KIT: variants seen among roughly 807,000 people sequenced by gnomAD.
The protein encoded by KIT is mast/stem cell growth factor receptor Kit.
A neutral mutation model predicts 105.7 loss-of-function variants in KIT; 16 were observed. The ratio of observed to expected loss-of-function variants is 0.15; its 90% CI spans 0.10 to 0.23. The LOEUF (loss-of-function observed/expected upper bound fraction) is 0.23. Ranked by LOEUF, KIT falls within the 10% of genes least tolerant of loss-of-function variation. KIT has a pLI of 1.00. For synonymous variants in KIT, 438 were observed against 441.1 expected, an observed-to-expected ratio of 0.99 and a Z score of 0.09; for missense variants, 858 against 1,213.8, an observed-to-expected ratio of 0.71 and a Z score of 4.36.
At chr4:54,718,026 G>T (rs1418427049) in intron 7 of KIT, among the ~76,000 whole-genome samples, 1 of 152,172 alleles carries the variant, frequency 6.6e-6, no homozygotes, top group Non-Finnish European at 1.5e-5. Context: ...ATATCTTTTT[G>T]ATTGCTGTTT....
At chr4:54,693,709 A>G (rs1419971800) in intron 1 of KIT, among the ~76,000 whole-genome samples, 1 of 152,092 alleles carries the variant, frequency 6.6e-6, no homozygotes, top group Non-Finnish European at 1.5e-5. Flanking sequence ...GGGGACATAA[A>G]TCTGATGTGC....
At chr4:54,737,415 G>A in intron 20 of KIT, 135 bp downstream of exon 20, 1 of 717,696 alleles carries the variant, frequency 1.4e-6, no homozygotes, top group Non-Finnish European at 2.5e-6. Context: ...TGGGCTTCAG[G>A]TAGGGGAAGT....
chr4:54,684,872 A>G (rs148372035), intron 1 of KIT, among the ~76,000 whole-genome samples: 79 of 152,228 alleles, frequency 5.2e-4, no homozygotes, highest in Non-Finnish European at 9.7e-4. Flanking sequence ...TATGAGTTCT[A>G]TGATTGTTTC....
At chr4:54,695,920 C>A (rs1453729202) in intron 2 of KIT, 139 bp downstream of exon 2, 1 of 939,364 alleles carries the variant, frequency 1.1e-6, no homozygotes, top group Non-Finnish European at 1.6e-6. Flanking sequence ...CATGTTTCTT[C>A]ACTGTTCTCT....
intron 1 of KIT, among the ~76,000 whole-genome samples, chr4:54,674,042 A>G (rs181369487): frequency 1.3e-5 from 2 of 152,318 alleles, no homozygotes; most frequent in Admixed American, 1.3e-4. Context: ...AAGTGCCAGG[A>G]TTACAGGCAT....
intron 1 of KIT, among the ~76,000 whole-genome samples, chr4:54,676,399 TAA>T (rs34029024): frequency 6.6e-6 from 1 of 152,202 alleles, no homozygotes; most frequent in Non-Finnish European, 1.5e-5. Context: ...CTGTGCTAGT[TAA>T]AAAGTTAAAG....
intron 1 of KIT, among the ~76,000 whole-genome samples, chr4:54,682,647 C>G (rs1204684354): frequency 6.6e-6 from 1 of 151,670 alleles, no homozygotes; most frequent in Non-Finnish European, 1.5e-5. Context: ...CAAGACTGGT[C>G]TTGAACTCCT....
rs2109786593 is a variant in KIT, at chr4:54,729,425, A to T, written c.2081A>T (p.Gln694Leu). 2 of 1,613,798 alleles carry T rather than the reference A, an allele frequency of 1.2e-6. No individual in the cohort carries two copies. The highest frequency in any genetic ancestry group is 1.7e-6 in the Non-Finnish European group (2 of 1,179,812). Residue 694 changes from glutamine to leucine, a missense_variant, in exon 14 of 21, where the codon CAG (glutamine) becomes CTG (leucine). Around this residue, in one of 7 missense-constraint regions of KIT, gnomAD observed 158 missense variants for 218.7 expected, o/e 0.72. Transcript: ENST00000288135. ...CGTGATTCATTTATTTGTTCAAAGC[A>T]GGAAGATCATGCAGAAGCTGCACTT... Reference protein sequence around the residue: ...RKRDSFICSKQEDHAEAALYK... With the variant: ...RKRDSFICSKLEDHAEAALYK...
At chr4:54,698,692 C>T in intron 3 of KIT, 127 bp downstream of exon 3, 1 of 1,026,070 alleles carries the variant, frequency 9.7e-7, no homozygotes, top group South Asian at 1.4e-5. Context: ...CCCCCAGCTT[C>T]AAAAAATGTC....
rs557317141 is a variant in KIT, at chr4:54,695,626, C to T, written c.182C>T (p.Pro61Leu). Residue 61 changes from proline (P) to leucine (L), a missense_variant, in exon 2 of 21, where the codon CCG (proline) becomes CTG (leucine). Coordinates refer to ENST00000288135, the MANE Select transcript of KIT (RefSeq NM_000222.3). ...GDEIRLLCTD[P>L]GFVKWTFEIL... Reference sequence around the variant, plus strand: ...GAGATTAGGCTGTTATGCACTGATCCGGGCTTTGTCAAATGGACTTTTGAG... The same window carrying T: ...GAGATTAGGCTGTTATGCACTGATCTGGGCTTTGTCAAATGGACTTTTGAG... 2.0e-5 allele frequency: 33 copies of T among 1,614,044 alleles called. No individual in the cohort carries two copies. Among genetic ancestry groups the T allele is most frequent in the East Asian group, 4.5e-5 (2 of 44,896 alleles).
chr4:54,711,924 G>C (rs200178522), intron 7 of KIT, among the ~76,000 whole-genome samples: 1 of 137,576 alleles, frequency 7.3e-6, no homozygotes, highest in East Asian at 2.1e-4. Flanking sequence ...ACGAGAGTCC[G>C]TCTCAAAAAA....
At chr4:54,661,620 A>G (rs1170999612) in intron 1 of KIT, among the ~76,000 whole-genome samples, 1 of 152,240 alleles carries the variant, frequency 6.6e-6, no homozygotes, top group African/African-American at 2.4e-5. Flanking sequence ...CTTTTGCTGC[A>G]TTAATGTGCG....
chr4:54,725,255 C>T (rs1484768260), intron 8 of KIT, among the ~76,000 whole-genome samples: 1 of 152,106 alleles, frequency 6.6e-6, no homozygotes, highest in Non-Finnish European at 1.5e-5. Flanking sequence ...CAGGCGCCTG[C>T]CACCACGCCC....
intron 13 of KIT, 118 bp from the exon 14 acceptor site, chr4:54,729,217 A>G (rs1399726586): frequency 2.0e-6 from 2 of 1,010,300 alleles, no homozygotes; most frequent in Non-Finnish European, 1.6e-6. Context: ...GGGACTAAGT[A>G]GTCTGATCCA....
At chr4:54,671,913 A>G (rs1410422269) in intron 1 of KIT, among the ~76,000 whole-genome samples, 1 of 152,184 alleles carries the variant, frequency 6.6e-6, no homozygotes, top group Non-Finnish European at 1.5e-5. Context: ...AGCATCATAG[A>G]ATTTCATCTA....
intron 2 of KIT, 35 bp downstream of exon 2, chr4:54,695,816 A>G: frequency 6.2e-7 from 1 of 1,613,350 alleles, no homozygotes; most frequent in Non-Finnish European, 8.5e-7. Context: ...CTGTGCTTTC[A>G]AGAATTTAAT....
chr4:54,660,536 A>G (rs3819391), intron 1 of KIT, among the ~76,000 whole-genome samples: 87,499 of 151,906 alleles, frequency 0.58, 25,528 homozygotes, highest in African/African-American at 0.66. Flanking sequence ...ATGTAATGCT[A>G]TGCATTTATA....
At chr4:54,694,154 G>A (rs148046037) in intron 1 of KIT, among the ~76,000 whole-genome samples, 73 of 152,178 alleles carry the variant, frequency 4.8e-4, no homozygotes, top group African/African-American at 1.7e-3. Context: ...CATGTGCTCC[G>A]CAAGGTACCC....
chr4:54,727,895 C>G lies in KIT; in HGVS notation c.1847C>G (p.Ala616Gly), dbSNP rs891140054. 6.2e-7 allele frequency: 1 copy of G among 1,613,974 alleles called. No homozygotes were observed. Among genetic ancestry groups the G allele is most frequent in the Non-Finnish European group, 8.5e-7 (1 of 1,179,948 alleles). The change falls in exon 12 of 21, where the codon GCG (alanine) becomes GGG (glycine). Residue 616 changes from alanine to glycine, a missense_variant. By Grantham distance (60) the Ala-to-Gly change is moderately conservative. Transcript: ENST00000288135. ...ATAYGLIKSD[A>G]AMTVAVKMLK... ...GCTTATGGCTTAATTAAGTCAGATG[C>G]GGCCATGACTGTCGCTGTAAAGATG...
Sources: gnomAD v4.1 joint callset for allele counts (sites outside exome capture counted in the v4.1 genomes callset) on GRCh38, gnomAD v4.1.1 for gene constraint, gnomAD v4.1.1 regional missense constraint, MANE v1.5 for transcripts, NCBI Gene and HGNC (gene_info 2026-07-23, HGNC 2026-07-21) for gene names.